EXOC6: variants seen among roughly 807,000 people sequenced by gnomAD.
EXOC6 encodes the protein exocyst complex component 6, also known as SEC15-like 1.
A neutral mutation model predicts 112.5 loss-of-function variants in EXOC6; 60 were observed. The observed-to-expected ratio is 0.53, with a 90% CI of 0.43 to 0.66. The LOEUF (loss-of-function observed/expected upper bound fraction) is 0.66, where lower values mean the gene tolerates loss of function less well. Among genes scored for constraint, EXOC6 ranks in the 30% least tolerant of loss-of-function variants. The probability of loss-of-function intolerance (pLI) is 0.00; values close to 1 mark genes in which losing one functional copy is unlikely to be tolerated. For missense variants in EXOC6, 855 were observed against 957.1 expected, an observed-to-expected ratio of 0.89 and a Z score of 1.41; for synonymous variants, 295 against 308.0, an observed-to-expected ratio of 0.96 and a Z score of 0.44.
intron 9 of EXOC6, among the ~76,000 whole-genome samples, chr10:92,931,375 C>A (rs977400174): frequency 6.6e-6 from 1 of 150,810 alleles, no homozygotes; most frequent in Non-Finnish European, 1.5e-5. Flanking sequence ...TATATAAGAA[C>A]AACTGTCAGG....
At chr10:92,837,603 C>A (rs565737086) in intron 1 of EXOC6, among the ~76,000 whole-genome samples, 1 of 152,176 alleles carries the variant, frequency 6.6e-6, no homozygotes, top group Non-Finnish European at 1.5e-5. Flanking sequence ...GTCAAGACTG[C>A]GGCGAGCTGT....
intron 20 of EXOC6, among the ~76,000 whole-genome samples, chr10:93,045,841 CAT>C (rs1265491326): frequency 1.3e-5 from 2 of 152,302 alleles, no homozygotes; most frequent in South Asian, 4.1e-4. Context: ...GTTTATTTAA[CAT>C]GTTTGATGGT....
At chr10:92,882,318 T>C (rs1589757083) in intron 1 of EXOC6, among the ~76,000 whole-genome samples, 1 of 151,822 alleles carries the variant, frequency 6.6e-6, no homozygotes, top group Non-Finnish European at 1.5e-5. Context: ...CCAAAGCAGG[T>C]GGATCATCTG....
intron 20 of EXOC6, among the ~76,000 whole-genome samples, chr10:93,055,525 T>A (rs1049590693): frequency 2.6e-5 from 4 of 152,242 alleles, no homozygotes; most frequent in African/African-American, 9.6e-5. Context: ...GACGTTATAC[T>A]AATTTACACT....
intron 6 of EXOC6, among the ~76,000 whole-genome samples, chr10:92,914,364 C>T (rs1472478961): frequency 6.6e-6 from 1 of 152,158 alleles, no homozygotes; most frequent in Non-Finnish European, 1.5e-5. Context: ...ATTTTGGAAA[C>T]CTGAGTTAAA....
At chr10:93,009,872 G>A (rs1844160790) in intron 19 of EXOC6, among the ~76,000 whole-genome samples, 1 of 152,178 alleles carries the variant, frequency 6.6e-6, no homozygotes. Flanking sequence ...TGAAGATGAT[G>A]GGGAACTATT....
intron 20 of EXOC6, among the ~76,000 whole-genome samples, chr10:93,035,154 G>T (rs1033594046): frequency 6.6e-6 from 1 of 152,210 alleles, no homozygotes; most frequent in Non-Finnish European, 1.5e-5. Flanking sequence ...GGAAAGCTTA[G>T]ATTTTAAAGG....
intron 20 of EXOC6, among the ~76,000 whole-genome samples, chr10:93,032,353 C>T (rs1014738084): frequency 2.0e-5 from 3 of 152,156 alleles, no homozygotes; most frequent in African/African-American, 7.2e-5. Flanking sequence ...CAAACAACAA[C>T]GTAGATTGCA....
chr10:92,866,166 A>G (rs1421459303), intron 1 of EXOC6, among the ~76,000 whole-genome samples: 1 of 152,180 alleles, frequency 6.6e-6, no homozygotes, highest in East Asian at 1.9e-4. Flanking sequence ...TATTTTTCCT[A>G]GTATTATCTT....
chr10:92,935,893 A>C lies in EXOC6; in HGVS notation c.1212+8A>C, dbSNP rs1233586314. On this transcript the variant is annotated splice_region_variant and intron_variant, in intron 12 of 21. Coordinates refer to ENST00000260762, the MANE Select transcript of EXOC6 (RefSeq NM_019053.6). ...TTTGCAGATACTTTACAGGTGGGTG[A>C]TAACCTAACAATTAATGGTTATTCT... 2.6e-6 allele frequency: 4 copies of C among 1,536,506 alleles called. No homozygotes were observed. The highest frequency in any genetic ancestry group is 2.3e-5 in the South Asian group (2 of 88,390).
chr10:92,980,351 G>C (rs1285736161), intron 18 of EXOC6, among the ~76,000 whole-genome samples: 1 of 152,188 alleles, frequency 6.6e-6, no homozygotes, highest in Non-Finnish European at 1.5e-5. Context: ...AATGAAAATA[G>C]TATGTAGAGA....
chr10:92,854,024 A>AAG (rs1491276714), intron 1 of EXOC6, among the ~76,000 whole-genome samples: 11 of 146,538 alleles, frequency 7.5e-5, no homozygotes, highest in African/African-American at 2.8e-4. Flanking sequence ...AAAAAAAAAA[A>AAG]GGAAAGAAAG....
At chr10:92,914,053 C>T (rs923886380) in intron 6 of EXOC6, among the ~76,000 whole-genome samples, 8 of 152,178 alleles carry the variant, frequency 5.3e-5, no homozygotes, top group South Asian at 2.1e-4. Flanking sequence ...GCCCCCAGGC[C>T]GTGGACTGGT....
At chr10:93,052,577 A>T (rs1055203885) in intron 20 of EXOC6, among the ~76,000 whole-genome samples, 2 of 152,106 alleles carry the variant, frequency 1.3e-5, no homozygotes, top group East Asian at 3.8e-4. Context: ...ATCCTTGGTG[A>T]AAAAAAACTT....
At chr10:92,882,713 C>G (rs1469858324) in intron 1 of EXOC6, among the ~76,000 whole-genome samples, 1 of 152,016 alleles carries the variant, frequency 6.6e-6, no homozygotes, top group African/African-American at 2.4e-5. Flanking sequence ...ATGGTTGTTA[C>G]TGAAATTTTG....
chr10:92,871,604 C>G (rs896806197), intron 1 of EXOC6, among the ~76,000 whole-genome samples: 1 of 151,396 alleles, frequency 6.6e-6, no homozygotes, highest in Non-Finnish European at 1.5e-5. Context: ...TCTAGGAGAT[C>G]GAGACCAGCC....
chr10:92,920,172 C>T (rs1028340586), intron 8 of EXOC6, 122 bp downstream of exon 8: 51 of 585,780 alleles, frequency 8.7e-5, no homozygotes, highest in Non-Finnish European at 1.3e-4. Context: ...GTGAAATATC[C>T]ACTCTGTGTA....
chr10:92,842,443 A>G (rs1846892044), intron 1 of EXOC6, among the ~76,000 whole-genome samples: 1 of 138,866 alleles, frequency 7.2e-6, no homozygotes, highest in Non-Finnish European at 1.5e-5. Flanking sequence ...GTCAGCTGTC[A>G]TCATCATCAT....
At chr10:92,839,993 T>C (rs974136695) in intron 1 of EXOC6, among the ~76,000 whole-genome samples, 4 of 152,114 alleles carry the variant, frequency 2.6e-5, no homozygotes, top group African/African-American at 7.2e-5. Flanking sequence ...ATTCACAGAC[T>C]CTCTCAGGCA....
Sources: allele counts gnomAD v4.1 joint callset (sites outside exome capture counted in the v4.1 genomes callset), GRCh38; gene constraint gnomAD v4.1.1; transcripts MANE v1.5; gene names NCBI Gene and HGNC (gene_info 2026-07-23, HGNC 2026-07-21).